Variants in AAK1 observed in about 807,000 individuals in gnomAD.
The protein encoded by AAK1 is AP2-associated protein kinase 1.
In AAK1, 37 loss-of-function variants were observed where a neutral mutation model predicts 116.0. That is an observed-to-expected ratio of 0.32 (90% CI 0.25 to 0.42). The LOEUF is 0.42. AAK1 is among the 10% of genes least tolerant of loss of function. AAK1 has a pLI of 1.00. For synonymous variants in AAK1, 458 were observed against 439.9 expected (o/e 1.04, Z -0.51); for missense variants, 919 against 1,170.6 (o/e 0.79, Z 3.14).
At chr2:69,500,686 T>TACAC (rs1293878729) in intron 16 of AAK1, among the ~76,000 whole-genome samples, 12 of 110,464 alleles carry the variant, frequency 1.1e-4, no homozygotes, top group South Asian at 8.0e-4. Context: ...TATATATATA[T>TACAC]ATATATATAT....
At chr2:69,513,828 G>A (rs540150445) in intron 13 of AAK1, among the ~76,000 whole-genome samples, 1 of 152,330 alleles carries the variant, frequency 6.6e-6, no homozygotes, top group East Asian at 1.9e-4. Flanking sequence ...GCCCGTGTGT[G>A]TTGAAACTGT....
At chr2:69,556,707 G>A (rs143354276) in intron 3 of AAK1, among the ~76,000 whole-genome samples, 153 bp downstream of exon 3, 6 of 152,112 alleles carry the variant, frequency 3.9e-5, no homozygotes, top group African/African-American at 1.4e-4. Flanking sequence ...AGGCAAGGGC[G>A]GTGTCCTATA....
At chr2:69,642,778 C>CA in intron 2 of AAK1, 100 bp downstream of exon 2, 1 of 1,510,498 alleles carries the variant, frequency 6.6e-7, no homozygotes, top group Non-Finnish European at 9.0e-7. Flanking sequence ...AAGGGAGGGT[C>CA]AACTGGTCAA....
chr2:69,582,344 A>C (rs1242769111), intron 2 of AAK1, among the ~76,000 whole-genome samples: 1 of 152,190 alleles, frequency 6.6e-6, no homozygotes, highest in African/African-American at 2.4e-5. Context: ...GAATCAGAGT[A>C]TCTCTATACA....
intron 2 of AAK1, among the ~76,000 whole-genome samples, chr2:69,574,377 C>CAA (rs58486434): frequency 0.045 from 3,368 of 74,344 alleles, 157 homozygotes; most frequent in East Asian, 0.18. Context: ...GACTCCCTCT[C>CAA]AAAAAAAAAA....
chr2:69,628,146 C>T (rs1273218633), intron 2 of AAK1, among the ~76,000 whole-genome samples: 1 of 152,206 alleles, frequency 6.6e-6, no homozygotes, highest in South Asian at 2.1e-4. Context: ...TAACAATCCA[C>T]CTCAAAACTA....
At chr2:69,509,507 A>AG (rs778183004) in intron 13 of AAK1, 47 bp from the exon 14 acceptor site, 1 of 1,477,952 alleles carries the variant, frequency 6.8e-7, no homozygotes, top group South Asian at 1.3e-5. Flanking sequence ...TAAAAAAAAA[A>AG]GTTAAAGGAA....
intron 8 of AAK1, 138 bp downstream of exon 8, chr2:69,529,870 T>A: frequency 1.2e-6 from 1 of 838,064 alleles, no homozygotes; most frequent in Non-Finnish European, 1.8e-6. Context: ...ACATTGTCTT[T>A]GAGTTCCCAA....
chr2:69,487,928 T>G (rs768913203), intron 17 of AAK1, among the ~76,000 whole-genome samples: 38 of 151,926 alleles, frequency 2.5e-4, no homozygotes, highest in Non-Finnish European at 5.1e-4. Context: ...TATCTGGCAT[T>G]ATAGGCGCCT....
chr2:69,525,124 CAAACAAAACA>C lies in AAK1; in HGVS notation c.976-22_976-13del, dbSNP rs1459171392. ...GGAATGGGAGAGTTCTATAGAATTG[CAAACAAAACA>C]GAACAAAACAAAAGGACATCACAGA... On this transcript the variant is annotated splice_polypyrimidine_tract_variant and intron_variant, in intron 9 of 21. Transcript: ENST00000409085. 6.2e-7 allele frequency: 1 copy of C among 1,612,808 alleles called. No individual in the cohort carries two copies. Among genetic ancestry groups the C allele is most frequent in the African/African-American group, 1.3e-5 (1 of 74,994 alleles).
Position 69,470,284 on chromosome 2 carries a change from C to G in AAK1, c.*5585G>C, listed in dbSNP as rs73934956. The stretch of plus-strand genomic sequence containing the variant: ...AGCCTTCTCACATATAGTTAGTAAA[C>G]AGAAAGCAAAATATCCCTTCACAAG... On this transcript the variant is annotated 3_prime_UTR_variant, in exon 22 of 22. Coordinates refer to ENST00000409085, the MANE Select transcript of AAK1 (RefSeq NM_014911.5). 1 of 985,320 alleles carries G rather than the reference C, an allele frequency of 1.0e-6. No homozygotes were observed. The highest frequency in any genetic ancestry group is 1.1e-4 in the East Asian group (1 of 8,816). The allele number at this position is 985,320 out of a possible 1,614,324, so 61.0% of individuals were successfully genotyped here. A position where few individuals can be genotyped will look rare whatever the true frequency, so the allele number is the denominator to read the frequency against.
intron 5 of AAK1, among the ~76,000 whole-genome samples, chr2:69,533,600 G>A (rs548519610): frequency 6.6e-6 from 1 of 152,290 alleles, no homozygotes; most frequent in Non-Finnish European, 1.5e-5. Context: ...GCTTATGGTG[G>A]TGTTGTGAGG....
rs568791645 is a variant in AAK1 at position 69,565,928 on chromosome 2, T to A, written c.164-8950A>T. On this transcript the variant is annotated intron_variant, in intron 2 of 21. Coordinates refer to ENST00000409085, the MANE Select transcript of AAK1 (RefSeq NM_014911.5). ...CACGGTGAGAGCTTGGGTGGACTAT[T>A]CAGGTGGCAGAGTGTCCTCTCCACA... Among the ~76,000 whole-genome samples, 72 of 152,026 alleles carry A rather than the reference T, an allele frequency of 4.7e-4. No individual in the cohort carries two copies. In the South Asian group the frequency reaches 0.015, roughly 31 times the overall value.
intron 2 of AAK1, chr2:69,598,722 T>C (rs1673420008): frequency 5.8e-6 from 1 of 171,730 alleles, no homozygotes; most frequent in African/African-American, 2.4e-5. Context: ...GGTCCTGCTA[T>C]GTTGCCCAGG....
In AAK1 at chr2:69,482,757, G is replaced by A. The variant is rs908934387; in HGVS notation, c.2421C>T (p.Leu807=). Reference sequence around the variant, plus strand: ...TACCAAAAGGATCTGTCATAGGCAAGAGGTCAGGGAGCAGAAGAGAAGTGT... The same window carrying A: ...TACCAAAAGGATCTGTCATAGGCAAAAGGTCAGGGAGCAGAAGAGAAGTGT... ...SPDTSLLLPD[L]LPMTDPFGST... is the part of the protein sequence containing the mutation. Residue 807 remains leucine (L), a synonymous_variant, in exon 18 of 22, where the codon CTC becomes CTT. Coordinates refer to ENST00000409085, the MANE Select transcript of AAK1 (RefSeq NM_014911.5). The A allele has an allele frequency of 3.1e-6, 5 of 1,613,760 alleles. No individual in the cohort carries two copies. The African/African-American group carries it at 6.7e-5, about 22-fold the overall frequency.
chr2:69,608,082 G>A (rs956161500), intron 2 of AAK1, among the ~76,000 whole-genome samples: 1 of 152,232 alleles, frequency 6.6e-6, no homozygotes, highest in Admixed American at 6.5e-5. Flanking sequence ...AGATGGAGCA[G>A]GACCAAAGAA....
At chr2:69,633,365 G>A (rs542789971) in intron 2 of AAK1, among the ~76,000 whole-genome samples, 2 of 152,190 alleles carry the variant, frequency 1.3e-5, no homozygotes, top group South Asian at 4.2e-4. Flanking sequence ...CACTTTGGGA[G>A]GCCAAGGTGG....
In AAK1 at chr2:69,509,231, T is replaced by C. The variant is rs749071372; in HGVS notation, c.2006A>G (p.Lys669Arg). The part of the protein sequence containing the change: ...AAAEASLNKS[K>R]SATTTPSGSP... ...ACAACAAAGAGGAAGCACCACATAC[T>C]TGGACTTATTGAGACTGGCCTCAGC... is the stretch of plus-strand genomic sequence containing the variant. Residue 669 changes from lysine (K) to arginine (R), a missense_variant and splice_region_variant, in exon 14 of 22, where the codon AAG (lysine) becomes AGG (arginine). By Grantham distance (26) the Lys-to-Arg change is conservative. Transcript: ENST00000409085. 2 of 1,613,786 alleles carry C rather than the reference T, an allele frequency of 1.2e-6. No individual in the cohort carries two copies. The highest frequency in any genetic ancestry group is 1.7e-6 in the Non-Finnish European group (2 of 1,179,736).
At chr2:69,612,215 AAAT>A (rs1214166421) in intron 2 of AAK1, among the ~76,000 whole-genome samples, 2 of 152,374 alleles carry the variant, frequency 1.3e-5, no homozygotes, top group South Asian at 2.1e-4. Flanking sequence ...GAGAGAAAAA[AAAT>A]AATGTGAATG....
Sources: gnomAD v4.1 joint callset for allele counts (sites outside exome capture counted in the v4.1 genomes callset) on GRCh38, gnomAD v4.1.1 for gene constraint, MANE v1.5 for transcripts, NCBI Gene and HGNC (gene_info 2026-07-23, HGNC 2026-07-21) for gene names.